The following RAB33A variants were observed in gnomAD, a reference collection of about 807,000 sequenced individuals.
RAB33A encodes ras-related protein Rab-33A.
Under a neutral mutation model 12.0 loss-of-function variants are expected in RAB33A, and 6 were observed. That is an observed-to-expected ratio of 0.50 (90% CI 0.27 to 0.99). RAB33A has a LOEUF of 0.99. Ranked by LOEUF, RAB33A falls within the 50% of genes least tolerant of loss-of-function variation. The pLI is 0.11. For synonymous variants in RAB33A, 70 were observed against 82.4 expected, an observed-to-expected ratio of 0.85 and a Z score of 0.81; for missense variants, 109 against 192.0, an observed-to-expected ratio of 0.57 and a Z score of 2.55.
chrX:130,136,324 A>C, the RAB33A span: 1 of 769,534 alleles, frequency 1.3e-6, no homozygotes, highest in Non-Finnish European at 1.9e-6. Flanking sequence ...AATGGATTTT[A>C]AGTTCTATTT....
chrX:130,174,271 C>CT (rs928179924), intron 1 of RAB33A, among the ~76,000 whole-genome samples: 2 of 112,007 alleles, frequency 1.8e-5, no homozygotes, highest in African/African-American at 6.5e-5. Context: ...TTAATACAGG[C>CT]TTTTTTGGGG....
the RAB33A span, among the ~76,000 whole-genome samples, chrX:130,128,315 G>A: frequency 8.9e-6 from 1 of 111,803 alleles, no homozygotes; most frequent in African/African-American, 3.2e-5. Flanking sequence ...ACTCACACCT[G>A]TAACCCCAGC....
the RAB33A span, among the ~76,000 whole-genome samples, chrX:130,139,193 G>T: frequency 9.0e-6 from 1 of 110,894 alleles, no homozygotes; most frequent in Non-Finnish European, 1.9e-5. Flanking sequence ...TTAGCCGGTC[G>T]TGGTGGCACA....
the RAB33A span, among the ~76,000 whole-genome samples, chrX:130,121,022 C>G: frequency 0.011 from 1,236 of 112,624 alleles, 8 homozygotes; most frequent in African/African-American, 0.038. Flanking sequence ...CCTGACCAGC[C>G]CAGCCCCAAG....
At chrX:130,167,020 C>G (rs996514389), upstream of RAB33A, among the ~76,000 whole-genome samples, 2 of 111,805 alleles carry the variant, frequency 1.8e-5, no homozygotes, top group African/African-American at 3.3e-5. Flanking sequence ...GGTGTAGTGC[C>G]GGACAGAGCA....
At chrX:130,129,768 A>T in the RAB33A span, 5 of 748,751 alleles carry the variant, frequency 6.7e-6, no homozygotes, top group Non-Finnish European at 1.0e-5. Context: ...AACCCCAAAC[A>T]AGCAGCCTGC....
the RAB33A span, chrX:130,136,941 C>T: frequency 8.7e-7 from 1 of 1,148,580 alleles, no homozygotes. Context: ...ATGAACTTAG[C>T]TGACTGGAGA....
intron 1 of RAB33A, among the ~76,000 whole-genome samples, chrX:130,182,139 CAAAA>C (rs1188540923): frequency 2.9e-4 from 9 of 30,515 alleles, no homozygotes; most frequent in African/African-American, 1.3e-3. Flanking sequence ...TCTGTCTCTA[CAAAA>C]AAAAAAAAAA....
chrX:130,178,944 G>A (rs919566570), intron 1 of RAB33A, among the ~76,000 whole-genome samples: 1 of 105,070 alleles, frequency 9.5e-6, no homozygotes, highest in African/African-American at 3.4e-5. Context: ...GAGCCACCGC[G>A]CCCGGCGATT....
chrX:130,165,742 C>A, the RAB33A span: 13 of 783,187 alleles, frequency 1.7e-5, no homozygotes, highest in Admixed American at 2.6e-5. Flanking sequence ...CCGGCCAGCT[C>A]CCCCAGTCTC....
the RAB33A span, chrX:130,156,372 A>G: frequency 8.8e-7 from 1 of 1,133,917 alleles, no homozygotes; most frequent in Non-Finnish European, 1.2e-6. Context: ...AAGGGGAATT[A>G]GTTGCAAAAG....
the RAB33A span, chrX:130,135,934 A>T: frequency 9.7e-7 from 1 of 1,032,052 alleles, no homozygotes; most frequent in Non-Finnish European, 1.4e-6. Context: ...GCCTCCAAAC[A>T]CTCTGACCCT....
At chrX:130,155,946 TACTA>T in the RAB33A span, among the ~76,000 whole-genome samples, 2 of 112,536 alleles carry the variant, frequency 1.8e-5, no homozygotes, top group Non-Finnish European at 3.8e-5. Flanking sequence ...AAATCAGTGA[TACTA>T]GCCCTGTTTC....
At chrX:130,122,575 G>C in the RAB33A span, among the ~76,000 whole-genome samples, 8 of 112,339 alleles carry the variant, frequency 7.1e-5, no homozygotes, top group East Asian at 2.2e-3. Flanking sequence ...GCAAGGGGGG[G>C]TGGGAGGTAG....
chrX:130,165,837 G>A, the RAB33A span: 1 of 496,781 alleles, frequency 2.0e-6, no homozygotes, highest in Non-Finnish European at 3.6e-6. Context: ...CCGGGGAAGG[G>A]GAACGGCGAC....
intron 1 of RAB33A, among the ~76,000 whole-genome samples, chrX:130,181,428 A>G (rs1406968451): frequency 8.9e-6 from 1 of 112,281 alleles, no homozygotes; most frequent in Non-Finnish European, 1.9e-5. Flanking sequence ...ATAACTGAGA[A>G]TTGTATAGGG....
chrX:130,150,073 T>A, the RAB33A span, among the ~76,000 whole-genome samples: 1 of 111,251 alleles, frequency 9.0e-6, no homozygotes, highest in African/African-American at 3.3e-5. Flanking sequence ...GCCTGTATTC[T>A]ATTTTTAGAG....
chrX:130,181,308 TC>T (rs1014901364), intron 1 of RAB33A, among the ~76,000 whole-genome samples: 1 of 111,334 alleles, frequency 9.0e-6, no homozygotes, highest in Non-Finnish European at 1.9e-5. Context: ...GCCGACAGAT[TC>T]AATTATATTT....
chrX:130,127,803 T>C, the RAB33A span, among the ~76,000 whole-genome samples: 1,941 of 106,906 alleles, frequency 0.018, 19 homozygotes, highest in Middle Eastern at 0.028. Flanking sequence ...AATTCTCCTG[T>C]CTCAGCCTCC....
Sources: allele counts gnomAD v4.1 joint callset (sites outside exome capture counted in the v4.1 genomes callset), GRCh38; gene constraint gnomAD v4.1.1; transcripts MANE v1.5; gene names NCBI Gene and HGNC (gene_info 2026-07-23, HGNC 2026-07-21).